The following XPO6 variants were observed in gnomAD, a reference collection of about 807,000 sequenced individuals.
The protein encoded by XPO6 is exportin 6.
In XPO6, 3 loss-of-function variants were observed where a neutral mutation model predicts 130.0. The ratio of observed to expected loss-of-function variants is 0.02; its 90% CI spans 0.01 to 0.06. The LOEUF (loss-of-function observed/expected upper bound fraction) is 0.06, where lower values mean the gene tolerates loss of function less well. Ranked by LOEUF, XPO6 falls within the 10% of genes least tolerant of loss-of-function variation. The pLI is 1.00. For missense variants in XPO6, 970 were observed against 1,393.0 expected, an observed-to-expected ratio of 0.70 and a Z score of 4.83; for synonymous variants, 524 against 548.9, an observed-to-expected ratio of 0.95 and a Z score of 0.63.
intron 20 of XPO6, 80 bp from the exon 21 acceptor site, chr16:28,104,787 G>A (rs1203358727): frequency 1.3e-6 from 2 of 1,525,172 alleles, no homozygotes; most frequent in Non-Finnish European, 8.9e-7. Flanking sequence ...AGATGCCTAG[G>A]AGACGCCTCG....
At chr16:28,118,867 C>A (rs558067140) in intron 14 of XPO6, among the ~76,000 whole-genome samples, 50 of 152,302 alleles carry the variant, frequency 3.3e-4, no homozygotes, top group South Asian at 8.3e-4. Flanking sequence ...ATCACCCCCC[C>A]AGACTTGAGC....
intron 9 of XPO6, among the ~76,000 whole-genome samples, chr16:28,138,838 G>C (rs551206809): frequency 3.3e-4 from 51 of 152,314 alleles, no homozygotes; most frequent in African/African-American, 1.2e-3. Context: ...TGATGATGGA[G>C]AGGGAAGCCA....
At position 28,113,050 on chromosome 16, in the gene XPO6, C is replaced by T. The variant is rs757040782; in HGVS notation, c.2005G>A (p.Val669Ile). 1.2e-6 allele frequency: 2 copies of T among 1,613,438 alleles called. No individual in the cohort carries two copies. Among genetic ancestry groups the T allele is most frequent in the Non-Finnish European group, 1.7e-6 (2 of 1,179,672 alleles). Residue 669 changes from valine to isoleucine, a missense_variant and splice_region_variant, in exon 16 of 24, where the codon GTC (valine) becomes ATC (isoleucine). Transcript: ENST00000304658. ...DAITPLISTKVQDKLLLSACH... is the reference protein window; with the variant it reads ...DAITPLISTKIQDKLLLSACH... The stretch of plus-strand genomic sequence containing the variant: ...GCAGATAGCAGCAGCTTGTCTTGGA[C>T]CTGCAGAGGGAAGAGGGCACGTCAG...
intron 1 of XPO6, among the ~76,000 whole-genome samples, chr16:28,184,395 A>G (rs904356377): frequency 6.6e-6 from 1 of 152,200 alleles, no homozygotes; most frequent in African/African-American, 2.4e-5. Context: ...GTAGATACAG[A>G]GTATCTTCAC....
intron 6 of XPO6, among the ~76,000 whole-genome samples, chr16:28,158,363 T>C (rs2043216063): frequency 1.3e-5 from 2 of 152,194 alleles, no homozygotes; most frequent in Non-Finnish European, 2.9e-5. Flanking sequence ...ACATGGGATA[T>C]TGCAACAGAT....
chr16:28,141,014 G>T (rs1020639801), intron 9 of XPO6, among the ~76,000 whole-genome samples: 1 of 152,200 alleles, frequency 6.6e-6, no homozygotes, highest in African/African-American at 2.4e-5. Flanking sequence ...TGCCCTGTGG[G>T]GCAGTCAAGA....
chr16:28,166,440 C>G, intron 6 of XPO6, 68 bp downstream of exon 6: 1 of 1,522,346 alleles, frequency 6.6e-7, no homozygotes, highest in Non-Finnish European at 8.9e-7. Context: ...ACTACAGTTG[C>G]AAATCACCAC....
chr16:28,162,224 T>A (rs190586495), intron 6 of XPO6, among the ~76,000 whole-genome samples: 1 of 152,318 alleles, frequency 6.6e-6, no homozygotes, highest in Admixed American at 6.5e-5. Flanking sequence ...AAGGTTGGGG[T>A]GAGGGAAAGA....
At chr16:28,108,132 G>A (rs1203521917) in intron 17 of XPO6, among the ~76,000 whole-genome samples, 1 of 152,156 alleles carries the variant, frequency 6.6e-6, no homozygotes, top group African/African-American at 2.4e-5. Flanking sequence ...GTCACTCAGT[G>A]GGATGCTACT....
At chr16:28,115,443 T>G (rs9932627) in intron 15 of XPO6, among the ~76,000 whole-genome samples, 2,406 of 152,312 alleles carry the variant, frequency 0.016, 34 homozygotes, top group African/African-American at 0.047. Context: ...GCATTGCCAA[T>G]CAGCAGATTT....
chr16:28,192,262 C>CAAA (rs11429447), intron 1 of XPO6, among the ~76,000 whole-genome samples: 2 of 82,442 alleles, frequency 2.4e-5, no homozygotes, highest in Non-Finnish European at 5.0e-5. Flanking sequence ...GACTCCGTCT[C>CAAA]AAAAAAAAAA....
Position 28,200,506 on chromosome 16 carries a change from G to A in XPO6, c.3+10860C>T, listed in dbSNP as rs188234995. Among the ~76,000 whole-genome samples, 465 of 150,314 alleles carry A rather than the reference G, an allele frequency of 3.1e-3. 5 individuals carry two copies. The highest frequency in any genetic ancestry group is 0.024 in the Admixed American group (368 of 15,162). ...CTTTCTTTCTTTTTTTTTTTGAGAC[G>A]GAGTTTCGTCTGTCACCCAGGCTGG... is the stretch of plus-strand genomic sequence containing the variant. On this transcript the variant is annotated intron_variant, in intron 1 of 23. Coordinates refer to ENST00000304658, the MANE Select transcript of XPO6 (RefSeq NM_015171.4).
chr16:28,189,013 G>C (rs901324359), intron 1 of XPO6, among the ~76,000 whole-genome samples: 10 of 152,006 alleles, frequency 6.6e-5, no homozygotes, highest in African/African-American at 2.4e-4. Flanking sequence ...CCAGGCTGGA[G>C]TACAGTGGCA....
chr16:28,138,041 G>C (rs998941839), intron 9 of XPO6, among the ~76,000 whole-genome samples: 1 of 152,046 alleles, frequency 6.6e-6, no homozygotes, highest in African/African-American at 2.4e-5. Flanking sequence ...CCTAACACAC[G>C]CCAGCCCTAA....
chr16:28,202,972 T>C (rs1254095896), intron 1 of XPO6, among the ~76,000 whole-genome samples: 1 of 152,088 alleles, frequency 6.6e-6, no homozygotes, highest in Non-Finnish European at 1.5e-5. Flanking sequence ...TCTTGAAAAG[T>C]GGTAAAGACA....
Position 28,191,153 on chromosome 16 carries a change from A to G in XPO6, c.4-10122T>C, listed in dbSNP as rs138363732. On this transcript the variant is annotated intron_variant, in intron 1 of 23. Transcript: ENST00000304658. Reference sequence around the variant, plus strand: ...AATTATTCTCTCAGGTGCCAGGTTTATTTTCACCACAGTTACACAGCCTAG... The same window carrying G: ...AATTATTCTCTCAGGTGCCAGGTTTGTTTTCACCACAGTTACACAGCCTAG... Among the ~76,000 whole-genome samples the G allele has an allele frequency of 9.4e-4, 143 of 152,310 alleles. 1 individual carries two copies. The highest frequency in any genetic ancestry group is 1.7e-3 in the Non-Finnish European group (119 of 68,030).
chr16:28,178,602 GAA>G (rs77812683), intron 2 of XPO6, among the ~76,000 whole-genome samples: 6 of 148,550 alleles, frequency 4.0e-5, no homozygotes, highest in South Asian at 2.1e-4. Flanking sequence ...GCTATTTAAA[GAA>G]AAAAAAAAAC....
chr16:28,143,109 T>C (rs1317924342), intron 9 of XPO6, among the ~76,000 whole-genome samples: 1 of 152,236 alleles, frequency 6.6e-6, no homozygotes, highest in Non-Finnish European at 1.5e-5. Flanking sequence ...TTTAGGATGA[T>C]AATCACATGA....
chr16:28,099,026 C>T (rs933022298), intron 23 of XPO6, among the ~76,000 whole-genome samples: 1 of 152,206 alleles, frequency 6.6e-6, no homozygotes, highest in African/African-American at 2.4e-5. Flanking sequence ...CACACTTGCT[C>T]CTGAGTCCGG....
Sources: gnomAD v4.1 joint callset for allele counts (sites outside exome capture counted in the v4.1 genomes callset) on GRCh38, gnomAD v4.1.1 for gene constraint, MANE v1.5 for transcripts, NCBI Gene and HGNC (gene_info 2026-07-23, HGNC 2026-07-21) for gene names.